Variants in TENM3 observed in about 807,000 individuals in gnomAD.
TENM3 encodes teneurin transmembrane protein 3.
In TENM3, 63 loss-of-function variants were observed where a neutral mutation model predicts 255.1. The ratio of observed to expected loss-of-function variants is 0.25; its 90% CI spans 0.20 to 0.30. The LOEUF (loss-of-function observed/expected upper bound fraction) is 0.30, where lower values mean the gene tolerates loss of function less well. Among genes scored for constraint, TENM3 ranks in the 10% least tolerant of loss-of-function variants. The probability of loss-of-function intolerance (pLI) is 1.00; values close to 1 mark genes in which losing one functional copy is unlikely to be tolerated. For synonymous variants in TENM3, 1,306 were observed against 1,322.3 expected (o/e 0.99, Z 0.27); for missense variants, 2,929 against 3,461.1 (o/e 0.85, Z 3.86).
At chr4:181,763,810 T>C in the TENM3 span, among the ~76,000 whole-genome samples, 2 of 152,234 alleles carry the variant, frequency 1.3e-5, no homozygotes, top group Admixed American at 1.3e-4. Flanking sequence ...CAAAATCAGG[T>C]TACTGTTTAT....
At chr4:181,539,436 C>T in the TENM3 span, among the ~76,000 whole-genome samples, 1 of 152,146 alleles carries the variant, frequency 6.6e-6, no homozygotes, top group African/African-American at 2.4e-5. Flanking sequence ...AATAAAGTCT[C>T]ATTTTATAAA....
At chr4:181,593,849 C>G in the TENM3 span, among the ~76,000 whole-genome samples, 1 of 152,022 alleles carries the variant, frequency 6.6e-6, no homozygotes, top group Non-Finnish European at 1.5e-5. Context: ...TTAACAGTAA[C>G]TAATTTTTTT....
chr4:182,090,650 G>A, the TENM3 span, among the ~76,000 whole-genome samples: 1 of 152,154 alleles, frequency 6.6e-6, no homozygotes, highest in African/African-American at 2.4e-5. Flanking sequence ...TGAAATGTGT[G>A]TGTATGTTCA....
the TENM3 span, among the ~76,000 whole-genome samples, chr4:182,088,053 T>G: frequency 6.6e-6 from 1 of 152,218 alleles, no homozygotes; most frequent in Non-Finnish European, 1.5e-5. Context: ...GTGATCTTAT[T>G]ATAACCTTCT....
At chr4:181,625,504 T>A in the TENM3 span, among the ~76,000 whole-genome samples, 1 of 152,042 alleles carries the variant, frequency 6.6e-6, no homozygotes, top group Non-Finnish European at 1.5e-5. Flanking sequence ...TCTCTGATTG[T>A]TTTCCTTTTG....
chr4:181,977,920 C>A, the TENM3 span, among the ~76,000 whole-genome samples: 1 of 152,086 alleles, frequency 6.6e-6, no homozygotes, highest in Non-Finnish European at 1.5e-5. Flanking sequence ...AAAGTAAGAA[C>A]AATCAGTATC....
intron 3 of TENM3, among the ~76,000 whole-genome samples, chr4:182,351,777 G>C (rs1765196934): frequency 1.3e-5 from 2 of 152,106 alleles, no homozygotes; most frequent in South Asian, 4.1e-4. Context: ...TCCCGACTTT[G>C]AGACCTTGGG....
the TENM3 span, among the ~76,000 whole-genome samples, chr4:182,016,345 C>T: frequency 3.3e-5 from 5 of 152,348 alleles, no homozygotes; most frequent in African/African-American, 1.2e-4. Context: ...TCTAAACTCT[C>T]TCACAGGAAC....
rs1270678193 is a variant in TENM3 at position 182,524,679 on chromosome 4, ACCAAACTCATATTTGTAAAT to A, written c.512-76235_512-76216del. Among the ~76,000 whole-genome samples the A allele has an allele frequency of 4.6e-5, 7 of 151,568 alleles. No homozygotes were observed. In the East Asian group the frequency reaches 1.4e-3, roughly 29 times the overall value. On this transcript the variant is annotated intron_variant, in intron 3 of 27. Transcript: ENST00000511685. Reference sequence around the variant, plus strand: ...CCCGACCTGACAAACCTCTTTTAAAACCAAACTCATATTTGTAAATCCAAACTCAGAGTCATTGCTTTTTA... The same window carrying A: ...CCCGACCTGACAAACCTCTTTTAAAACCAAACTCAGAGTCATTGCTTTTTA...
At chr4:181,824,748 A>G in the TENM3 span, among the ~76,000 whole-genome samples, 1 of 152,134 alleles carries the variant, frequency 6.6e-6, no homozygotes, top group Non-Finnish European at 1.5e-5. Context: ...AGCACCTACA[A>G]CAATGGAAAA....
At chr4:182,246,583 T>C (rs149150904) in intron 1 of TENM3, among the ~76,000 whole-genome samples, 2 of 152,238 alleles carry the variant, frequency 1.3e-5, no homozygotes, top group East Asian at 3.9e-4. Context: ...TGCAGCACGA[T>C]CCCATCACGT....
At chr4:182,675,964 A>T (rs1221522980) in intron 7 of TENM3, among the ~76,000 whole-genome samples, 1 of 152,136 alleles carries the variant, frequency 6.6e-6, no homozygotes, top group African/African-American at 2.4e-5. Context: ...TAGGTTATGC[A>T]TTTTCTTAAG....
intron 22 of TENM3, among the ~76,000 whole-genome samples, chr4:182,770,394 A>G (rs10007572): frequency 0.31 from 47,482 of 152,016 alleles, 7,636 homozygotes; most frequent in Middle Eastern, 0.42. Context: ...GCTCCCTTCC[A>G]GTATGACTCT....
rs181802520 is a variant in TENM3 at position 182,551,320 on chromosome 4, A to G, written c.512-49604A>G. On this transcript the variant is annotated intron_variant, in intron 3 of 27. Coordinates refer to ENST00000511685, the MANE Select transcript of TENM3 (RefSeq NM_001080477.4). ...ATTGTCCCTTTTTCCCAGAGCTCTC[A>G]GCTAAAATTTTCTGACTTTGATTTT... 1.9e-3 allele frequency among the ~76,000 whole-genome samples: 289 copies of G among 151,812 alleles called. 3 individuals carry two copies. Among genetic ancestry groups the G allele is most frequent in the Non-Finnish European group, 2.2e-3 (150 of 67,972 alleles).
chr4:182,628,981 T>A, intron 5 of TENM3, 92 bp downstream of exon 5: 1 of 770,904 alleles, frequency 1.3e-6, no homozygotes, highest in Non-Finnish European at 2.1e-6. Flanking sequence ...TAGAAATATA[T>A]TGTGAGATTA....
the TENM3 span, among the ~76,000 whole-genome samples, chr4:181,644,821 T>C: frequency 1.3e-5 from 2 of 152,134 alleles, no homozygotes; most frequent in Non-Finnish European, 2.9e-5. Context: ...TCTCTGATTT[T>C]AAGAGCCCTG....
chr4:182,621,764 AAT>A lies in TENM3; in HGVS notation c.750-6886_750-6885del, dbSNP rs1216551918. Among the ~76,000 whole-genome samples the A allele has an allele frequency of 3.9e-4, 23 of 59,030 alleles. No individual in the cohort carries two copies. The East Asian group carries it at 7.6e-3, about 19-fold the overall frequency. The allele number at this position is 59,030 out of a possible 152,430, so 38.7% of individuals were successfully genotyped here. ...TATATAATATATTATAATATATAAT[AAT>A]TATATATTATATATAATTATATATA... On this transcript the variant is annotated intron_variant, in intron 4 of 27. Transcript: ENST00000511685.
At chr4:182,108,615 T>G in the TENM3 span, among the ~76,000 whole-genome samples, 4 of 152,198 alleles carry the variant, frequency 2.6e-5, no homozygotes, top group East Asian at 7.7e-4. Context: ...TCTTGTAGGC[T>G]CATATGGAGA....
chr4:181,481,618 C>A, the TENM3 span, among the ~76,000 whole-genome samples: 1 of 152,080 alleles, frequency 6.6e-6, no homozygotes, highest in Non-Finnish European at 1.5e-5. Flanking sequence ...AGTAAAACCA[C>A]GTAAACCAGA....
Sources: allele counts gnomAD v4.1 joint callset (sites outside exome capture counted in the v4.1 genomes callset), GRCh38; gene constraint gnomAD v4.1.1; transcripts MANE v1.5; gene names NCBI Gene and HGNC (gene_info 2026-07-23, HGNC 2026-07-21).